PRRX1: variants seen among roughly 807,000 people sequenced by gnomAD.
PRRX1 encodes paired mesoderm homeobox protein 1.
In PRRX1, 8 loss-of-function variants were observed where a neutral mutation model predicts 24.0. The ratio of observed to expected loss-of-function variants is 0.33; its 90% CI spans 0.20 to 0.60. PRRX1 has a LOEUF of 0.60. Ranked by LOEUF, PRRX1 falls within the 20% of genes least tolerant of loss-of-function variation. The pLI is 0.82. For synonymous variants in PRRX1, 160 were observed against 131.7 expected, an observed-to-expected ratio of 1.22 and a Z score of -1.47; for missense variants, 281 against 322.4, an observed-to-expected ratio of 0.87 and a Z score of 0.98.
intron 2 of PRRX1, among the ~76,000 whole-genome samples, chr1:170,720,647 G>T (rs1571344544): frequency 6.6e-6 from 1 of 152,172 alleles, no homozygotes; most frequent in African/African-American, 2.4e-5. Context: ...GAAACTTGTT[G>T]TAAGTACACA....
chr1:170,674,788 G>A (rs1653258508), intron 1 of PRRX1, among the ~76,000 whole-genome samples: 1 of 151,690 alleles, frequency 6.6e-6, no homozygotes, highest in African/African-American at 2.4e-5. Flanking sequence ...TAATACCAAA[G>A]TGTAATACAT....
intron 1 of PRRX1, chr1:170,668,727 T>C (rs1558042066): frequency 6.6e-6 from 1 of 152,184 alleles, no homozygotes; most frequent in Non-Finnish European, 1.5e-5. Context: ...ATCACAGTAA[T>C]ATCAGCTTCT....
chr1:170,685,100 C>A (rs566388423), intron 1 of PRRX1, among the ~76,000 whole-genome samples: 1 of 152,260 alleles, frequency 6.6e-6, no homozygotes, highest in East Asian at 1.9e-4. Flanking sequence ...GAAATTTAAT[C>A]AATATTTTTC....
At chr1:170,667,310 GCACA>G (rs35009775) in intron 1 of PRRX1, 13,900 of 149,908 alleles carry the variant, frequency 0.093, 1,430 homozygotes, top group African/African-American at 0.26. Context: ...GCGCGCGCGC[GCACA>G]CACACACACA....
intron 1 of PRRX1, among the ~76,000 whole-genome samples, chr1:170,670,456 G>T (rs1653107601): frequency 6.6e-6 from 1 of 152,150 alleles, no homozygotes; most frequent in South Asian, 2.1e-4. Flanking sequence ...GAGATACATT[G>T]CAGAGAAACA....
chr1:170,713,555 G>A (rs528710434), intron 1 of PRRX1, among the ~76,000 whole-genome samples: 1 of 152,240 alleles, frequency 6.6e-6, no homozygotes, highest in African/African-American at 2.4e-5. Flanking sequence ...ACATTCTTGA[G>A]TGTTTTCTAC....
Position 170,706,561 on chromosome 1 carries a change from C to T in PRRX1, c.242-13165C>T, listed in dbSNP as rs750355328. Reference sequence around the variant, plus strand: ...GGCTTCTGATCCACTGACGTTCCCCCGTACCCCATTATATAAAGTTGACTT... The same window carrying T: ...GGCTTCTGATCCACTGACGTTCCCCTGTACCCCATTATATAAAGTTGACTT... On this transcript the variant is annotated intron_variant, in intron 1 of 3. Transcript: ENST00000239461. Among the ~76,000 whole-genome samples the T allele has an allele frequency of 4.6e-5, 7 of 152,110 alleles. No homozygotes were observed. The East Asian group carries it at 5.8e-4, about 13-fold the overall frequency.
At chr1:170,697,584 T>C (rs1180707895) in intron 1 of PRRX1, among the ~76,000 whole-genome samples, 1 of 151,136 alleles carries the variant, frequency 6.6e-6, no homozygotes, top group East Asian at 1.9e-4. Context: ...GCTGAACATT[T>C]TCTTATATAG....
intron 1 of PRRX1, among the ~76,000 whole-genome samples, chr1:170,670,413 C>T (rs1571311929): frequency 6.6e-6 from 1 of 152,192 alleles, no homozygotes; most frequent in East Asian, 1.9e-4. Flanking sequence ...TCCTTTTCTC[C>T]AAATGCTGTT....
intron 1 of PRRX1, among the ~76,000 whole-genome samples, chr1:170,666,348 G>A (rs1652928357): frequency 1.4e-5 from 2 of 144,446 alleles, no homozygotes; most frequent in Non-Finnish European, 3.0e-5. Flanking sequence ...AACCCGGGAA[G>A]CAGAGGTTGC....
intron 1 of PRRX1, among the ~76,000 whole-genome samples, chr1:170,695,841 T>C (rs1654149144): frequency 2.6e-5 from 1 of 38,984 alleles, no homozygotes; most frequent in Non-Finnish European, 4.2e-5. Flanking sequence ...GGTATGCTTT[T>C]TTTCCCCCCC....
chr1:170,685,012 G>T (rs188237459), intron 1 of PRRX1, among the ~76,000 whole-genome samples: 1 of 152,288 alleles, frequency 6.6e-6, no homozygotes, highest in Non-Finnish European at 1.5e-5. Flanking sequence ...GTAAACTGAA[G>T]CTTGGAACAA....
chr1:170,730,283 G>C (rs375494824), intron 3 of PRRX1: 1 of 1,609,748 alleles, frequency 6.2e-7, no homozygotes, highest in Admixed American at 1.7e-5. Flanking sequence ...ATAGATCCTC[G>C]TCCCTCCCAA....
chr1:170,719,605 G>A, intron 1 of PRRX1, 121 bp from the exon 2 acceptor site: 1 of 1,141,974 alleles, frequency 8.8e-7, no homozygotes, highest in Non-Finnish European at 1.3e-6. Context: ...TTTGGCTATA[G>A]GACTTTGATA....
At chr1:170,671,212 A>G (rs2101884992) in intron 1 of PRRX1, among the ~76,000 whole-genome samples, 1 of 152,334 alleles carries the variant, frequency 6.6e-6, no homozygotes, top group African/African-American at 2.4e-5. Context: ...GAATACACGG[A>G]AACTCGGATG....
At chr1:170,693,909 T>C (rs1450499979) in intron 1 of PRRX1, among the ~76,000 whole-genome samples, 1 of 152,034 alleles carries the variant, frequency 6.6e-6, no homozygotes, top group Non-Finnish European at 1.5e-5. Context: ...AGAAAAATGG[T>C]TGGGAGCAAT....
chr1:170,696,139 C>T (rs1213465970), intron 1 of PRRX1, among the ~76,000 whole-genome samples: 1 of 152,086 alleles, frequency 6.6e-6, no homozygotes, highest in Non-Finnish European at 1.5e-5. Context: ...TAGGCAGGAG[C>T]AAAGGAGAGA....
At chr1:170,677,327 T>A (rs963660795) in intron 1 of PRRX1, among the ~76,000 whole-genome samples, 5 of 152,262 alleles carry the variant, frequency 3.3e-5, no homozygotes, top group African/African-American at 1.2e-4. Context: ...TAAAATGATG[T>A]AAGCAAAATG....
chr1:170,663,926 T>C (rs938195484), upstream of PRRX1: 3 of 400,648 alleles, frequency 7.5e-6, no homozygotes, highest in South Asian at 1.6e-4. Context: ...TGTATTTTAC[T>C]GTGGATTATC....
Sources: gnomAD v4.1 joint callset for allele counts (sites outside exome capture counted in the v4.1 genomes callset) on GRCh38, gnomAD v4.1.1 for gene constraint, MANE v1.5 for transcripts, NCBI Gene and HGNC (gene_info 2026-07-23, HGNC 2026-07-21) for gene names.